Variants in TENM3 observed in about 807,000 individuals in gnomAD.
The protein encoded by TENM3 is teneurin transmembrane protein 3.
A neutral mutation model predicts 255.1 loss-of-function variants in TENM3; 63 were observed. The ratio of observed to expected loss-of-function variants is 0.25; its 90% CI spans 0.20 to 0.30. TENM3 has a LOEUF of 0.30. Ranked by LOEUF, TENM3 falls within the 10% of genes least tolerant of loss-of-function variation. TENM3 has a pLI of 1.00. For synonymous variants in TENM3, 1,306 were observed against 1,322.3 expected, an observed-to-expected ratio of 0.99 and a Z score of 0.27; for missense variants, 2,929 against 3,461.1, an observed-to-expected ratio of 0.85 and a Z score of 3.86.
At chr4:182,551,261 C>A (rs1741978980) in intron 3 of TENM3, among the ~76,000 whole-genome samples, 1 of 150,766 alleles carries the variant, frequency 6.6e-6, no homozygotes, top group South Asian at 2.1e-4. Flanking sequence ...ATAATTGTCC[C>A]TTCATTTGTC....
chr4:181,467,125 A>ATTTTTTTTTT, the TENM3 span, among the ~76,000 whole-genome samples: 58 of 17,470 alleles, frequency 3.3e-3, no homozygotes, highest in Non-Finnish European at 3.8e-3. Context: ...ATATATATAT[A>ATTTTTTTTTT]TTTTTTTTTT....
chr4:182,349,018 T>A (rs1228190546), intron 3 of TENM3, among the ~76,000 whole-genome samples: 3 of 152,178 alleles, frequency 2.0e-5, no homozygotes, highest in Admixed American at 1.3e-4. Context: ...TTTCTCCAAG[T>A]AGTGGCTAGG....
the TENM3 span, among the ~76,000 whole-genome samples, chr4:181,584,405 C>T: frequency 6.6e-6 from 1 of 152,158 alleles, no homozygotes; most frequent in Non-Finnish European, 1.5e-5. Flanking sequence ...TGGCCTCCAC[C>T]AAGCTTCTTC....
At chr4:182,640,622 T>C (rs1210891431) in intron 5 of TENM3, among the ~76,000 whole-genome samples, 2 of 152,130 alleles carry the variant, frequency 1.3e-5, no homozygotes, top group East Asian at 1.9e-4. Context: ...AAGAGAAGCA[T>C]TGCATGTTTA....
the TENM3 span, among the ~76,000 whole-genome samples, chr4:181,930,362 A>G: frequency 6.6e-6 from 1 of 152,210 alleles, no homozygotes; most frequent in Non-Finnish European, 1.5e-5. Context: ...AGAAATACAA[A>G]CTACCATCAG....
the TENM3 span, among the ~76,000 whole-genome samples, chr4:182,129,747 A>C: frequency 6.6e-6 from 1 of 152,204 alleles, no homozygotes; most frequent in African/African-American, 2.4e-5. Flanking sequence ...AGTATGCATT[A>C]GGTAAATAAT....
the TENM3 span, among the ~76,000 whole-genome samples, chr4:181,729,699 T>C: frequency 6.6e-6 from 1 of 152,174 alleles, no homozygotes; most frequent in Admixed American, 6.5e-5. Context: ...CACTGGGTTA[T>C]TCAGGGAACC....
intron 12 of TENM3, among the ~76,000 whole-genome samples, chr4:182,704,732 T>C (rs1758140780): frequency 6.6e-6 from 1 of 152,088 alleles, no homozygotes; most frequent in Non-Finnish European, 1.5e-5. Context: ...TCAAAAGCAG[T>C]TTATTTGAAG....
At chr4:182,471,238 G>A (rs1181542758) in intron 3 of TENM3, among the ~76,000 whole-genome samples, 8 of 152,330 alleles carry the variant, frequency 5.3e-5, no homozygotes, top group Admixed American at 3.3e-4. Context: ...GCCTTCCAGT[G>A]TTAGGAGCAT....
intron 13 of TENM3, among the ~76,000 whole-genome samples, chr4:182,715,573 A>G (rs953088464): frequency 6.6e-6 from 1 of 152,250 alleles, no homozygotes; most frequent in Non-Finnish European, 1.5e-5. Flanking sequence ...ATTATTATCC[A>G]GTTTCCCTTC....
At chr4:181,889,380 A>T in the TENM3 span, among the ~76,000 whole-genome samples, 5 of 152,104 alleles carry the variant, frequency 3.3e-5, no homozygotes, top group Non-Finnish European at 7.4e-5. Context: ...TGAGGACCTC[A>T]CCAGAAGCAG....
At chr4:181,717,606 C>A in the TENM3 span, among the ~76,000 whole-genome samples, 1 of 152,212 alleles carries the variant, frequency 6.6e-6, no homozygotes, top group Non-Finnish European at 1.5e-5. Flanking sequence ...ACAATAGTTT[C>A]TGTCAGCCTG....
At chr4:182,305,271 G>C (rs1253794982) in intron 1 of TENM3, among the ~76,000 whole-genome samples, 1 of 152,132 alleles carries the variant, frequency 6.6e-6, no homozygotes, top group Admixed American at 6.5e-5. Context: ...AGTTCTGAAG[G>C]CCAGCAAGTA....
At chr4:182,146,653 A>G (rs767957553) in intron 1 of TENM3, among the ~76,000 whole-genome samples, 17 of 152,182 alleles carry the variant, frequency 1.1e-4, no homozygotes, top group Non-Finnish European at 2.1e-4. Context: ...TTCAAATCAA[A>G]CACACATTTT....
intron 1 of TENM3, among the ~76,000 whole-genome samples, chr4:182,311,457 C>T (rs1762442287): frequency 6.6e-6 from 1 of 152,152 alleles, no homozygotes; most frequent in African/African-American, 2.4e-5. Context: ...TAAATCTCCT[C>T]TTTGTTCTAA....
chr4:182,537,827 A>G (rs529265821), intron 3 of TENM3, among the ~76,000 whole-genome samples: 52 of 152,208 alleles, frequency 3.4e-4, no homozygotes, highest in African/African-American at 1.2e-3. Context: ...GTTTCCAGGT[A>G]CCCCATACAG....
chr4:182,769,128 C>T (rs1354072143), intron 22 of TENM3, among the ~76,000 whole-genome samples: 3 of 152,186 alleles, frequency 2.0e-5, no homozygotes, highest in Non-Finnish European at 4.4e-5. Flanking sequence ...GCAAGAGAAT[C>T]TGAATCCGCC....
chr4:182,285,148 A>T (rs1331921968), intron 1 of TENM3, among the ~76,000 whole-genome samples: 1 of 152,064 alleles, frequency 6.6e-6, no homozygotes, highest in African/African-American at 2.4e-5. Context: ...CTTTGATGTT[A>T]TTGCACTTCT....
intron 1 of TENM3, among the ~76,000 whole-genome samples, chr4:182,192,159 CA>C (rs1176950082): frequency 6.6e-6 from 1 of 152,046 alleles, no homozygotes; most frequent in Non-Finnish European, 1.5e-5. Flanking sequence ...CCGTTGCACC[CA>C]TTTTTTTTAC....
Sources: gnomAD v4.1 joint callset for allele counts (sites outside exome capture counted in the v4.1 genomes callset) on GRCh38, gnomAD v4.1.1 for gene constraint, MANE v1.5 for transcripts, NCBI Gene and HGNC (gene_info 2026-07-23, HGNC 2026-07-21) for gene names.